Variants in UNC5D observed in about 807,000 individuals in gnomAD.
The protein encoded by UNC5D is netrin receptor UNC5D.
A neutral mutation model predicts 105.4 loss-of-function variants in UNC5D; 39 were observed. The observed-to-expected ratio is 0.37, with a 90% confidence interval of 0.29 to 0.48. The LOEUF is 0.48. Ranked by LOEUF, UNC5D falls within the 20% of genes least tolerant of loss-of-function variation. The probability of loss-of-function intolerance (pLI) is 0.98; values close to 1 mark genes in which losing one functional copy is unlikely to be tolerated. For missense variants in UNC5D, 991 were observed against 1,202.4 expected (o/e 0.82, Z 2.60); for synonymous variants, 452 against 450.4 (o/e 1.00, Z -0.04).
intron 2 of UNC5D, among the ~76,000 whole-genome samples, chr8:35,555,887 AC>A (rs1816512203): frequency 1.0e-5 from 1 of 96,024 alleles, no homozygotes; most frequent in Non-Finnish European, 1.8e-5. Context: ...ACACACACAC[AC>A]ACACACACAC....
chr8:35,428,965 G>A (rs1806440645), intron 1 of UNC5D, among the ~76,000 whole-genome samples: 1 of 152,076 alleles, frequency 6.6e-6, no homozygotes, highest in South Asian at 2.1e-4. Context: ...ATTCGTCATT[G>A]AGAAAATGGG....
intron 4 of UNC5D, among the ~76,000 whole-genome samples, chr8:35,664,612 C>T (rs1214121949): frequency 6.6e-6 from 1 of 152,058 alleles, no homozygotes; most frequent in Non-Finnish European, 1.5e-5. Context: ...CTCCTAACAT[C>T]AGGGGATCCA....
intron 1 of UNC5D, among the ~76,000 whole-genome samples, chr8:35,463,204 T>A (rs1809027651): frequency 6.6e-6 from 1 of 152,214 alleles, no homozygotes; most frequent in Non-Finnish European, 1.5e-5. Flanking sequence ...CCCTCTCCTC[T>A]CTGCCTAGTG....
intron 1 of UNC5D, among the ~76,000 whole-genome samples, chr8:35,372,073 G>T (rs1041056327): frequency 6.6e-6 from 1 of 152,098 alleles, no homozygotes. Flanking sequence ...AATGACATGG[G>T]AAGATGTATT....
intron 4 of UNC5D, among the ~76,000 whole-genome samples, chr8:35,654,188 G>A (rs1823595728): frequency 6.6e-6 from 1 of 151,924 alleles, no homozygotes; most frequent in South Asian, 2.1e-4. Flanking sequence ...GTGAGTTTTG[G>A]TTACATGGAT....
intron 10 of UNC5D, 164 bp downstream of exon 10, chr8:35,726,693 C>A: frequency 9.3e-7 from 1 of 1,074,880 alleles, no homozygotes; most frequent in South Asian, 1.6e-5. Flanking sequence ...AAACCAGAAC[C>A]AATGCTGAGA....
intron 1 of UNC5D, among the ~76,000 whole-genome samples, chr8:35,291,241 A>G (rs1807044218): frequency 6.6e-6 from 1 of 152,188 alleles, no homozygotes; most frequent in Non-Finnish European, 1.5e-5. Flanking sequence ...ACTGAAAGAG[A>G]AGGGATGGAG....
chr8:35,616,106 C>A (rs1821009846), intron 4 of UNC5D, among the ~76,000 whole-genome samples: 1 of 152,154 alleles, frequency 6.6e-6, no homozygotes, highest in South Asian at 2.1e-4. Context: ...CCGAATCTTC[C>A]CAACTTTTTG....
chr8:35,683,787 G>C, intron 5 of UNC5D, 60 bp downstream of exon 5: 1 of 1,394,034 alleles, frequency 7.2e-7, no homozygotes, highest in South Asian at 2.0e-5. Flanking sequence ...AGAGGGATGT[G>C]TGTTTTATTA....
chr8:35,442,516 C>T (rs963669108), intron 1 of UNC5D, among the ~76,000 whole-genome samples: 12 of 151,660 alleles, frequency 7.9e-5, no homozygotes, highest in African/African-American at 2.7e-4. Context: ...CAGAATCTTC[C>T]GAAATAGTGG....
chr8:35,290,503 T>C (rs543460927), intron 1 of UNC5D, among the ~76,000 whole-genome samples: 2 of 152,040 alleles, frequency 1.3e-5, no homozygotes, highest in Non-Finnish European at 2.9e-5. Context: ...AGGGAGGGAA[T>C]GAGAAGTTGT....
intron 1 of UNC5D, among the ~76,000 whole-genome samples, chr8:35,480,048 T>C (rs1810375912): frequency 6.6e-6 from 1 of 152,230 alleles, no homozygotes; most frequent in Non-Finnish European, 1.5e-5. Context: ...CAGATCACTC[T>C]GAGTTATCAG....
chr8:35,480,510 A>G (rs1283787254), intron 1 of UNC5D, among the ~76,000 whole-genome samples: 2 of 152,178 alleles, frequency 1.3e-5, no homozygotes, highest in African/African-American at 4.8e-5. Flanking sequence ...TGGCAGAAAG[A>G]GAAGATGATA....
chr8:35,374,512 T>G (rs1285921460), intron 1 of UNC5D, among the ~76,000 whole-genome samples: 2 of 152,192 alleles, frequency 1.3e-5, no homozygotes, highest in Non-Finnish European at 2.9e-5. Flanking sequence ...TAGAGTTAGG[T>G]TGCTCACAGG....
chr8:35,409,234 G>A (rs761224824), intron 1 of UNC5D, among the ~76,000 whole-genome samples: 44 of 152,008 alleles, frequency 2.9e-4, no homozygotes, highest in Non-Finnish European at 5.3e-4. Flanking sequence ...GTGGACATAC[G>A]TCTTCATTTT....
At chr8:35,620,899 C>T (rs1821321374) in intron 4 of UNC5D, among the ~76,000 whole-genome samples, 1 of 152,164 alleles carries the variant, frequency 6.6e-6, no homozygotes, top group South Asian at 2.1e-4. Flanking sequence ...TGAAGACTCA[C>T]TAAGACTTGG....
At chr8:35,540,250 CT>C (rs1178329702) in intron 1 of UNC5D, among the ~76,000 whole-genome samples, 1 of 152,062 alleles carries the variant, frequency 6.6e-6, no homozygotes, top group African/African-American at 2.4e-5. Context: ...GCAAGATATT[CT>C]TTTTTACATC....
chr8:35,677,193 A>G (rs930674273), intron 4 of UNC5D, among the ~76,000 whole-genome samples: 2 of 152,206 alleles, frequency 1.3e-5, no homozygotes, highest in Admixed American at 6.5e-5. Flanking sequence ...ATGAAAAGCA[A>G]AAGAGATTAT....
At chr8:35,358,679 A>C (rs1045187457) in intron 1 of UNC5D, among the ~76,000 whole-genome samples, 2 of 152,154 alleles carry the variant, frequency 1.3e-5, no homozygotes, top group Admixed American at 6.6e-5. Context: ...CTGCTGTATC[A>C]TGTATTTAAA....
Sources: allele counts gnomAD v4.1 joint callset (sites outside exome capture counted in the v4.1 genomes callset), GRCh38; gene constraint gnomAD v4.1.1; transcripts MANE v1.5; gene names NCBI Gene and HGNC (gene_info 2026-07-23, HGNC 2026-07-21).